FGF2: variants seen among roughly 807,000 people sequenced by gnomAD.
FGF2 encodes the protein fibroblast growth factor 2.
Under a neutral mutation model 15.9 loss-of-function variants are expected in FGF2, and 13 were observed. The observed-to-expected ratio is 0.82, with a 90% CI of 0.53 to 1.30. The LOEUF (loss-of-function observed/expected upper bound fraction) is 1.30. Among genes scored for constraint, FGF2 ranks in the 50% most tolerant of loss-of-function variants. The probability of loss-of-function intolerance (pLI) is 0.00; values close to 1 mark genes in which losing one functional copy is unlikely to be tolerated. For missense variants in FGF2, 163 were observed against 196.9 expected (o/e 0.83, Z 1.03); for synonymous variants, 90 against 78.4 (o/e 1.15, Z -0.78).
intron 1 of FGF2, among the ~76,000 whole-genome samples, chr4:122,844,734 TC>T (rs1726075286): frequency 6.6e-6 from 1 of 151,854 alleles, no homozygotes; most frequent in Non-Finnish European, 1.5e-5. Context: ...TCTCCTGGAA[TC>T]AAGTGTTCCT....
At chr4:122,830,814 TA>T (rs1725748051) in intron 1 of FGF2, among the ~76,000 whole-genome samples, 1 of 31,658 alleles carries the variant, frequency 3.2e-5, no homozygotes, top group Non-Finnish European at 5.8e-5. Context: ...TGCTCTTATT[TA>T]CAAAAAAAAA....
intron 2 of FGF2, chr4:122,883,341 A>G (rs1578478844): frequency 6.6e-6 from 1 of 152,150 alleles, no homozygotes; most frequent in East Asian, 1.9e-4. Flanking sequence ...TTTTTTCCCC[A>G]ACACCTTCAC....
intron 1 of FGF2, among the ~76,000 whole-genome samples, chr4:122,875,536 C>T (rs1006511558): frequency 1.8e-4 from 27 of 151,654 alleles, no homozygotes; most frequent in Non-Finnish European, 2.8e-4. Context: ...GGGCCGGGCG[C>T]GGTGGCTCAT....
intron 1 of FGF2, among the ~76,000 whole-genome samples, chr4:122,859,670 AC>A (rs1726422788): frequency 6.6e-6 from 1 of 151,998 alleles, no homozygotes; most frequent in Non-Finnish European, 1.5e-5. Context: ...ACACACACAC[AC>A]ACACAAAAGA....
chr4:122,891,056 T>C (rs1347652888), intron 2 of FGF2, among the ~76,000 whole-genome samples: 18 of 150,190 alleles, frequency 1.2e-4, no homozygotes, highest in African/African-American at 4.4e-4. Context: ...GTTTTGTTTT[T>C]TTGAGACGGA....
rs1400532612 is a variant in FGF2 at position 122,876,380 on chromosome 4, A to G, written c.238A>G (p.Asn80Asp). 6.2e-7 allele frequency: 1 copy of G among 1,613,418 alleles called. No homozygotes were observed. The change falls in exon 2 of 3, where the codon AAC (asparagine) becomes GAC (aspartate). Residue 80 changes from asparagine (N) to aspartate (D), a missense_variant. By Grantham distance (23) the Asn-to-Asp change is conservative. Coordinates refer to ENST00000644866, the MANE Select transcript of FGF2 (RefSeq NM_001361665.2). ...TGTGTCTATCAAAGGAGTGTGTGCT[A>G]ACCGTTACCTGGCTATGAAGGAAGA... ...GVVSIKGVCANRYLAMKEDGR... is the reference protein window; with the variant it reads ...GVVSIKGVCADRYLAMKEDGR...
At chr4:122,874,318 T>C (rs1726796032) in intron 1 of FGF2, among the ~76,000 whole-genome samples, 1 of 152,238 alleles carries the variant, frequency 6.6e-6, no homozygotes, top group East Asian at 1.9e-4. Context: ...CTTCATACCC[T>C]TCATTGTTTG....
rs114081639 is a variant in FGF2 at position 122,847,898 on chromosome 4, C to T, written c.178+20546C>T. 5.8e-3 allele frequency among the ~76,000 whole-genome samples: 886 copies of T among 152,336 alleles called. 15 individuals are homozygous for T. Among genetic ancestry groups the T allele is most frequent in the Admixed American group, 0.034 (513 of 15,310 alleles). On this transcript the variant is annotated intron_variant, in intron 1 of 2. Coordinates refer to ENST00000644866, the MANE Select transcript of FGF2 (RefSeq NM_001361665.2). ...CCCCCACAATATGGAGGGCAATCTA[C>T]TCTACTCAAAGTCCACTGATTCAAA...
chr4:122,882,452 C>G (rs367627162), intron 2 of FGF2: 1 of 152,300 alleles, frequency 6.6e-6, no homozygotes, highest in African/African-American at 2.4e-5. Context: ...ACTGTTGATT[C>G]TGTACCATCA....
intron 1 of FGF2, among the ~76,000 whole-genome samples, chr4:122,828,756 C>A (rs1725701402): frequency 6.6e-6 from 1 of 152,184 alleles, no homozygotes; most frequent in African/African-American, 2.4e-5. Flanking sequence ...TTATCAATCA[C>A]TTAATCCCGT....
At chr4:122,890,837 TTA>T (rs1295148321) in intron 2 of FGF2, among the ~76,000 whole-genome samples, 4 of 152,124 alleles carry the variant, frequency 2.6e-5, no homozygotes, top group Non-Finnish European at 4.4e-5. Flanking sequence ...CATCTTATAT[TTA>T]TGTGTTTAGA....
At chr4:122,885,930 T>C (rs1402444033) in intron 2 of FGF2, among the ~76,000 whole-genome samples, 2 of 125,164 alleles carry the variant, frequency 1.6e-5, no homozygotes, top group Non-Finnish European at 3.5e-5. Flanking sequence ...TTTTTTTTTT[T>C]TTTTTTGAGA....
intron 1 of FGF2, among the ~76,000 whole-genome samples, chr4:122,860,172 T>C (rs1285623371): frequency 6.6e-6 from 1 of 152,152 alleles, no homozygotes; most frequent in Non-Finnish European, 1.5e-5. Context: ...AGTTTTAAAA[T>C]TTTCTCCATA....
At chr4:122,874,165 A>G (rs1308874151) in intron 1 of FGF2, among the ~76,000 whole-genome samples, 2 of 152,216 alleles carry the variant, frequency 1.3e-5, no homozygotes, top group African/African-American at 4.8e-5. Context: ...TGAGATGCAA[A>G]TGCATTCTTC....
At chr4:122,868,315 C>T (rs1355709018) in intron 1 of FGF2, among the ~76,000 whole-genome samples, 1 of 152,162 alleles carries the variant, frequency 6.6e-6, no homozygotes, top group Non-Finnish European at 1.5e-5. Context: ...GTTCCCCACT[C>T]TGTGTCCATG....
intron 1 of FGF2, among the ~76,000 whole-genome samples, chr4:122,869,667 G>T (rs965528746): frequency 6.6e-6 from 1 of 152,184 alleles, no homozygotes; most frequent in Admixed American, 6.5e-5. Flanking sequence ...GAATGCTTGT[G>T]ATTTTTCCAC....
rs1256236795 is a variant in FGF2 at position 122,894,823 on chromosome 4, T to A, written c.*2427T>A. On this transcript the variant is annotated 3_prime_UTR_variant, in exon 3 of 3. Coordinates refer to ENST00000644866, the MANE Select transcript of FGF2 (RefSeq NM_001361665.2). ...AGTAGCACTAGTCTTAAATTTGATA[T>A]AACATCTCCTAACTTGTTTAAATGT... is the stretch of plus-strand genomic sequence containing the variant. 1 of 152,198 alleles carries A rather than the reference T, an allele frequency of 6.6e-6. No homozygotes were observed. Among genetic ancestry groups the A allele is most frequent in the Admixed American group, 6.5e-5 (1 of 15,288 alleles). The allele number at this position is 152,198 out of a possible 1,614,324, so 9.4% of individuals were successfully genotyped here. A position where few individuals can be genotyped will look rare whatever the true frequency, so the allele number is the denominator to read the frequency against.
At chr4:122,839,613 C>A (rs1725935353) in intron 1 of FGF2, among the ~76,000 whole-genome samples, 1 of 152,202 alleles carries the variant, frequency 6.6e-6, no homozygotes, top group South Asian at 2.1e-4. Flanking sequence ...ATCTTCCTTG[C>A]CAACCAGGCC....
At chr4:122,847,647 AT>A (rs1726143290) in intron 1 of FGF2, among the ~76,000 whole-genome samples, 2 of 142,488 alleles carry the variant, frequency 1.4e-5, no homozygotes, top group African/African-American at 5.9e-5. Context: ...CTATCTGTCT[AT>A]CTAATCTATC....
Sources: gnomAD v4.1 joint callset for allele counts (sites outside exome capture counted in the v4.1 genomes callset) on GRCh38, gnomAD v4.1.1 for gene constraint, MANE v1.5 for transcripts, NCBI Gene and HGNC (gene_info 2026-07-23, HGNC 2026-07-21) for gene names.